OR7E24: variants seen among roughly 807,000 people sequenced by gnomAD.
OR7E24 encodes olfactory receptor family 7 subfamily E member 24.
For missense variants in OR7E24, 385 were observed against 410.3 expected, an observed-to-expected ratio of 0.94 and a Z score of 0.53; for synonymous variants, 130 against 157.5, an observed-to-expected ratio of 0.83 and a Z score of 1.31.
the OR7E24 span, among the ~76,000 whole-genome samples, chr19:9,241,754 A>G: frequency 6.6e-6 from 1 of 152,178 alleles, no homozygotes; most frequent in Admixed American, 6.5e-5. Flanking sequence ...ACAGAGTGAG[A>G]CTTTGTCTCA....
chr19:9,209,914 A>C, the OR7E24 span: 1 of 152,184 alleles, frequency 6.6e-6, no homozygotes, highest in South Asian at 2.1e-4. Context: ...CAGTCTCCCA[A>C]AGTGCTGGGA....
upstream of OR7E24, among the ~76,000 whole-genome samples, chr19:9,250,165 G>C (rs1412181281): frequency 6.6e-6 from 1 of 151,984 alleles, no homozygotes; most frequent in African/African-American, 2.4e-5. Context: ...TATGATCATG[G>C]TTCAGTGCAG....
chr19:9,250,049 C>A (rs1015643156), upstream of OR7E24, among the ~76,000 whole-genome samples: 14 of 152,106 alleles, frequency 9.2e-5, no homozygotes, highest in Non-Finnish European at 1.9e-4. Flanking sequence ...TCTTTGCTAT[C>A]AGTGATGTCC....
At chr19:9,226,390 C>T in the OR7E24 span, among the ~76,000 whole-genome samples, 32 of 152,290 alleles carry the variant, frequency 2.1e-4, 1 homozygote, top group East Asian at 1.4e-3. Flanking sequence ...CTGGCTGGAA[C>T]GGGACCGCAC....
chr19:9,231,557 GC>G, the OR7E24 span, among the ~76,000 whole-genome samples: 67 of 148,756 alleles, frequency 4.5e-4, no homozygotes, highest in African/African-American at 1.6e-3. Context: ...TCCAGCCTAG[GC>G]AATAGAGCAA....
At chr19:9,218,952 G>GA in the OR7E24 span, among the ~76,000 whole-genome samples, 20,912 of 151,374 alleles carry the variant, frequency 0.14, 1,692 homozygotes, top group East Asian at 0.29. Context: ...TTTAATATGA[G>GA]AAAAAAAATT....
At chr19:9,221,398 T>C in the OR7E24 span, among the ~76,000 whole-genome samples, 1 of 107,544 alleles carries the variant, frequency 9.3e-6, no homozygotes, top group Admixed American at 1.2e-4. Context: ...TCACCCAGGC[T>C]GGAATGCAGT....
At chr19:9,212,723 G>A in the OR7E24 span, 1 of 152,020 alleles carries the variant, frequency 6.6e-6, no homozygotes, top group Non-Finnish European at 1.5e-5. Flanking sequence ...ATAATTTGAA[G>A]TTGAAAATCA....
chr19:9,237,610 C>T, the OR7E24 span, among the ~76,000 whole-genome samples: 6 of 152,194 alleles, frequency 3.9e-5, no homozygotes, highest in Admixed American at 2.6e-4. Context: ...CCACCGCGCC[C>T]GGCCTAGATT....
the OR7E24 span, among the ~76,000 whole-genome samples, chr19:9,231,255 T>C: frequency 6.6e-6 from 1 of 152,080 alleles, no homozygotes; most frequent in Non-Finnish European, 1.5e-5. Context: ...ATATGGACTA[T>C]GCTGTTGGCT....
chr19:9,224,778 AAG>A, the OR7E24 span, among the ~76,000 whole-genome samples: 2 of 151,842 alleles, frequency 1.3e-5, no homozygotes, highest in Admixed American at 6.6e-5. Flanking sequence ...AAAAAAAAAA[AAG>A]AGAGAGAGAT....
the OR7E24 span, among the ~76,000 whole-genome samples, chr19:9,227,237 C>CT: frequency 3.3e-3 from 476 of 145,208 alleles, 3 homozygotes; most frequent in East Asian, 9.3e-3. Flanking sequence ...CATTCTTTCT[C>CT]TTTTTTTTTT....
At chr19:9,217,883 C>G in the OR7E24 span, among the ~76,000 whole-genome samples, 3 of 152,094 alleles carry the variant, frequency 2.0e-5, no homozygotes, top group Admixed American at 6.6e-5. Flanking sequence ...AAGGGTAAAT[C>G]TTCTAGGCTG....
chr19:9,240,619 C>G, the OR7E24 span, among the ~76,000 whole-genome samples: 2 of 152,144 alleles, frequency 1.3e-5, no homozygotes, highest in Admixed American at 6.6e-5. Flanking sequence ...GCTCCATTTT[C>G]TTAACAGAAC....
chr19:9,237,912 C>T, the OR7E24 span, among the ~76,000 whole-genome samples: 1 of 152,112 alleles, frequency 6.6e-6, no homozygotes, highest in Non-Finnish European at 1.5e-5. Flanking sequence ...TAGAAGCTGG[C>T]ACATTGAACA....
the OR7E24 span, among the ~76,000 whole-genome samples, chr19:9,237,355 G>T: frequency 6.6e-6 from 1 of 151,708 alleles, no homozygotes; most frequent in Admixed American, 6.6e-5. Flanking sequence ...CTGTCCCCCA[G>T]GCTGGAGTGC....
the OR7E24 span, chr19:9,214,799 G>A: frequency 1.2e-6 from 2 of 1,610,964 alleles, no homozygotes; most frequent in Non-Finnish European, 1.7e-6. Flanking sequence ...GTCCCAGGAG[G>A]AGAAATTTTG....
chr19:9,227,742 G>A, the OR7E24 span, among the ~76,000 whole-genome samples: 10 of 148,804 alleles, frequency 6.7e-5, no homozygotes, highest in South Asian at 2.1e-3. Context: ...TGGGTAGAAT[G>A]GTATTTCTTT....
the OR7E24 span, among the ~76,000 whole-genome samples, chr19:9,222,637 TA>T: frequency 3.5e-4 from 53 of 152,204 alleles, no homozygotes; most frequent in Non-Finnish European, 2.5e-4. Context: ...TATTGATTTT[TA>T]TATGTCGATT....
Sources: allele counts gnomAD v4.1 joint callset (sites outside exome capture counted in the v4.1 genomes callset), GRCh38; gene constraint gnomAD v4.1.1; transcripts MANE v1.5; gene names NCBI Gene and HGNC (gene_info 2026-07-23, HGNC 2026-07-21).